Variants in AKAP12 observed in about 807,000 individuals in gnomAD.
AKAP12 encodes the protein A-kinase anchoring protein 12.
In AKAP12, 32 loss-of-function variants were observed where a neutral mutation model predicts 79.9. The observed-to-expected ratio is 0.40, with a 90% CI of 0.30 to 0.54. AKAP12 has a LOEUF of 0.54. Among genes scored for constraint, AKAP12 ranks in the 20% least tolerant of loss-of-function variants. AKAP12 has a pLI of 0.48. For synonymous variants in AKAP12, 808 were observed against 857.0 expected (o/e 0.94, Z 1.00); for missense variants, 2,074 against 2,177.0 (o/e 0.95, Z 0.94).
At chr6:151,325,301 T>C in intron 3 of AKAP12, 1 of 985,480 alleles carries the variant, frequency 1.0e-6, no homozygotes, top group Non-Finnish European at 1.2e-6. Flanking sequence ...AGGGAGAATT[T>C]ACTGTCTGTG....
intron 3 of AKAP12, chr6:151,325,173 T>G: frequency 1.0e-6 from 1 of 985,410 alleles, no homozygotes; most frequent in Non-Finnish European, 1.2e-6. Context: ...AACGTGTGTG[T>G]ATGCGTAAGA....
intron 2 of AKAP12, among the ~76,000 whole-genome samples, chr6:151,241,495 A>T (rs1211660250): frequency 6.6e-6 from 1 of 152,210 alleles, no homozygotes; most frequent in Non-Finnish European, 1.5e-5. Flanking sequence ...TGTAACGAGC[A>T]TTCCGGGTAC....
chr6:151,275,487 G>GA (rs1188199144), intron 2 of AKAP12, among the ~76,000 whole-genome samples: 3 of 152,158 alleles, frequency 2.0e-5, no homozygotes, highest in Non-Finnish European at 4.4e-5. Context: ...CAAGAAGGTG[G>GA]TCAACAAAAC....
chr6:151,355,018 C>CA lies in AKAP12; in HGVS notation c.*13-708dup, dbSNP rs543838517. 3.2e-4 allele frequency among the ~76,000 whole-genome samples: 49 copies of CA among 152,138 alleles called. 1 individual carries two copies. In the East Asian group the frequency reaches 9.3e-3, roughly 29 times the overall value. On this transcript the variant is annotated intron_variant, in intron 4 of 4. Coordinates refer to ENST00000402676, the MANE Select transcript of AKAP12 (RefSeq NM_005100.4). ...CTTTTGTTTTGTTTTGTTTTTGAGA[C>CA]AGAGTCTCACTCTGTCACCCCGACT...
intron 2 of AKAP12, among the ~76,000 whole-genome samples, chr6:151,287,692 G>A (rs1359946113): frequency 6.6e-6 from 1 of 152,190 alleles, no homozygotes; most frequent in Non-Finnish European, 1.5e-5. Context: ...AATACCATTT[G>A]ATCCAGCAAT....
intron 4 of AKAP12, among the ~76,000 whole-genome samples, chr6:151,354,845 T>C (rs1306552905): frequency 6.6e-6 from 1 of 152,066 alleles, no homozygotes; most frequent in African/African-American, 2.4e-5. Flanking sequence ...TACTCCGAGC[T>C]AATTGTTAAA....
chr6:151,305,038 G>A (rs533336660), intron 2 of AKAP12, among the ~76,000 whole-genome samples: 10 of 152,278 alleles, frequency 6.6e-5, no homozygotes, highest in East Asian at 1.9e-4. Context: ...TGGCCTTCGC[G>A]CCAAGCGGCC....
intron 3 of AKAP12, among the ~76,000 whole-genome samples, chr6:151,306,914 T>G (rs545026631): frequency 3.9e-5 from 6 of 152,368 alleles, no homozygotes; most frequent in African/African-American, 1.2e-4. Flanking sequence ...CCAACTCAAA[T>G]TCCCAAGTCC....
intron 3 of AKAP12, chr6:151,324,350 T>C: frequency 1.0e-6 from 1 of 985,310 alleles, no homozygotes; most frequent in Non-Finnish European, 1.2e-6. Flanking sequence ...TGTAACAAGG[T>C]CTGGTTACCA....
chr6:151,323,511 T>C (rs1248190016), intron 3 of AKAP12, among the ~76,000 whole-genome samples: 1 of 150,734 alleles, frequency 6.6e-6, no homozygotes, highest in Non-Finnish European at 1.5e-5. Context: ...CGAGATCGCG[T>C]CATTGCACCC....
intron 3 of AKAP12, among the ~76,000 whole-genome samples, chr6:151,316,996 G>A (rs1332165769): frequency 6.6e-6 from 1 of 152,174 alleles, no homozygotes; most frequent in African/African-American, 2.4e-5. Flanking sequence ...TAGTCACTTC[G>A]TTAAAGGCCC....
At chr6:151,347,305 C>T (rs1341240245) in intron 3 of AKAP12, among the ~76,000 whole-genome samples, 4 of 152,200 alleles carry the variant, frequency 2.6e-5, no homozygotes, top group South Asian at 2.1e-4. Flanking sequence ...CTGTTGAGGT[C>T]GGACTTAGTT....
chr6:151,353,195 C>T lies in AKAP12; in HGVS notation c.4804C>T (p.Gln1602Ter). 6.2e-7 allele frequency: 1 copy of T among 1,614,166 alleles called. No homozygotes were observed. Among genetic ancestry groups the T allele is most frequent in the Non-Finnish European group, 8.5e-7 (1 of 1,180,020 alleles). The change falls in exon 4 of 5, where the codon CAG (glutamine) becomes TAG (stop). Residue 1602 changes from glutamine (Q) to a stop codon, truncating the protein, a stop_gained. Coordinates refer to ENST00000402676, the MANE Select transcript of AKAP12 (RefSeq NM_005100.4). LOFTEE classifies it low-confidence loss of function (END_TRUNC). ...AACGGAGAAAGAAGGAGAGGAACCTCAGGCCTCTGCACAGGATGAAACACC... is the reference window on the plus strand; with the variant it reads ...AACGGAGAAAGAAGGAGAGGAACCTTAGGCCTCTGCACAGGATGAAACACC... ...QETEKEGEEP[Q>*]ASAQDETPIT... is the part of the protein sequence containing the mutation.
At chr6:151,334,538 A>G (rs963547140) in intron 3 of AKAP12, among the ~76,000 whole-genome samples, 3 of 151,774 alleles carry the variant, frequency 2.0e-5, no homozygotes, top group African/African-American at 7.2e-5. Flanking sequence ...GAGGCTGCAG[A>G]GAGCTGACAT....
At chr6:151,310,000 C>A (rs1375459657) in intron 3 of AKAP12, among the ~76,000 whole-genome samples, 1 of 152,000 alleles carries the variant, frequency 6.6e-6, no homozygotes, top group East Asian at 1.9e-4. Flanking sequence ...AAGAAAAGCT[C>A]CCTTTCCGCA....
At chr6:151,326,764 T>G (rs1049895037) in intron 3 of AKAP12, among the ~76,000 whole-genome samples, 3 of 152,096 alleles carry the variant, frequency 2.0e-5, no homozygotes, top group Non-Finnish European at 4.4e-5. Context: ...CAGGACTTCT[T>G]TATTCTTTAA....
chr6:151,341,105 G>A (rs1316711788), intron 3 of AKAP12, among the ~76,000 whole-genome samples: 2 of 147,824 alleles, frequency 1.4e-5, no homozygotes. Context: ...AGGCTGGAAT[G>A]CAGTGGCACG....
intron 3 of AKAP12, chr6:151,324,073 G>A (rs978899446): frequency 4.1e-6 from 4 of 985,414 alleles, no homozygotes; most frequent in Non-Finnish European, 4.8e-6. Flanking sequence ...CCTTGGCTCT[G>A]TGGACTCCAG....
chr6:151,355,276 A>G (rs913951340), intron 4 of AKAP12, among the ~76,000 whole-genome samples: 1 of 151,570 alleles, frequency 6.6e-6, no homozygotes, highest in Non-Finnish European at 1.5e-5. Context: ...GGCATGAGCC[A>G]CCGCACCCAG....
Sources: gnomAD v4.1 joint callset for allele counts (sites outside exome capture counted in the v4.1 genomes callset) on GRCh38, gnomAD v4.1.1 for gene constraint, MANE v1.5 for transcripts, NCBI Gene and HGNC (gene_info 2026-07-23, HGNC 2026-07-21) for gene names.